Variants in ANKRD13B observed in about 807,000 individuals in gnomAD.
ANKRD13B encodes the protein ankyrin repeat domain 13B, also known as ankyrin repeat domain-containing protein 13B.
A neutral mutation model predicts 74.4 loss-of-function variants in ANKRD13B; 33 were observed. That is an observed-to-expected ratio of 0.44 (90% CI 0.34 to 0.59). ANKRD13B has a LOEUF of 0.59. Among genes scored for constraint, ANKRD13B ranks in the 20% least tolerant of loss-of-function variants. The probability of loss-of-function intolerance (pLI) is 0.02; values close to 1 mark genes in which losing one functional copy is unlikely to be tolerated. For missense variants in ANKRD13B, 676 were observed against 877.9 expected, an observed-to-expected ratio of 0.77 and a Z score of 2.91; for synonymous variants, 341 against 362.9, an observed-to-expected ratio of 0.94 and a Z score of 0.68.
chr17:29,598,509 C>CCCTT (rs1305099682), intron 1 of ANKRD13B, among the ~76,000 whole-genome samples: 1 of 147,286 alleles, frequency 6.8e-6, no homozygotes, highest in Non-Finnish European at 1.5e-5. Context: ...CTCCCTCCCT[C>CCCTT]CCTTCCCTGC....
At chr17:29,596,553 G>T (rs1254920418) in intron 1 of ANKRD13B, among the ~76,000 whole-genome samples, 1 of 152,230 alleles carries the variant, frequency 6.6e-6, no homozygotes, top group Non-Finnish European at 1.5e-5. Flanking sequence ...AGGGACATGT[G>T]TGGGCTGGGC....
Position 29,609,123 on chromosome 17 carries a change from C to T in ANKRD13B, c.603C>T (p.Arg201=). 2 of 1,611,656 alleles carry T rather than the reference C, an allele frequency of 1.2e-6. No individual in the cohort carries two copies. The highest frequency in any genetic ancestry group is 1.7e-6 in the Non-Finnish European group (2 of 1,179,962). ...SAVVMEIDHD[R]RVVYTETLAL... is the part of the protein sequence containing the mutation. Reference sequence around the variant, plus strand: ...TGGTCATGGAGATTGACCACGACCGCCGGGTGGTGTACACAGAGACTCTGG... The same window carrying T: ...TGGTCATGGAGATTGACCACGACCGTCGGGTGGTGTACACAGAGACTCTGG... Residue 201 remains arginine, a synonymous_variant, in exon 6 of 15, where the codon CGC becomes CGT. Coordinates refer to ENST00000394859, the MANE Select transcript of ANKRD13B (RefSeq NM_152345.5). The surrounding 1 kb of genome is among the most constrained non-coding windows in gnomAD (Gnocchi z 4.0).
chr17:29,609,226 G>T lies in ANKRD13B; in HGVS notation c.706G>T (p.Ala236Ser). The T allele has an allele frequency of 6.2e-7, 1 of 1,613,040 alleles. No homozygotes were observed. Among genetic ancestry groups the T allele is most frequent in the Non-Finnish European group, 8.5e-7 (1 of 1,179,922 alleles). Residue 236 changes from alanine to serine, a missense_variant, in exon 6 of 15, where the codon GCG (alanine) becomes TCG (serine). By Grantham distance (99) the Ala-to-Ser change is moderately conservative (BLOSUM62 1). This residue lies in a region of ANKRD13B where 328 missense variants were observed against 518.4 expected (regional missense o/e 0.63). Transcript: ENST00000394859. This position sits in a 1 kb window ranked among gnomAD's most constrained non-coding sequence, Gnocchi z 4.0. ...GGAACAGGTGCTGAGCCGGCTTACCGCGCCCGTCGTCACCACTCAGCTTGA... is the reference window on the plus strand; with the variant it reads ...GGAACAGGTGCTGAGCCGGCTTACCTCGCCCGTCGTCACCACTCAGCTTGA... ...TEEQVLSRLT[A>S]PVVTTQLDTK...
Position 29,612,518 on chromosome 17 carries a change from A to G in ANKRD13B, c.1375A>G (p.Ser459Gly). ...SPSSETPSPG[S>G]DSSSVSSSSS... is the part of the protein sequence containing the mutation. ...CAGCAGCGAGACGCCTTCCCCAGGC[A>G]GCGACTCCTCCAGCGTCAGCAGCTC... Residue 459 changes from serine (S) to glycine (G), a missense_variant, in exon 12 of 15, where the codon AGC (serine) becomes GGC (glycine). Ser to Gly is a moderately conservative substitution (Grantham distance 56, BLOSUM62 0). Transcript: ENST00000394859. The surrounding 1 kb of genome is among the most constrained non-coding windows in gnomAD (Gnocchi z 6.1). The G allele has an allele frequency of 6.4e-7, 1 of 1,566,902 alleles. No individual in the cohort carries two copies. Among genetic ancestry groups the G allele is most frequent in the South Asian group, 1.2e-5 (1 of 86,300 alleles).
intron 1 of ANKRD13B, among the ~76,000 whole-genome samples, chr17:29,597,057 C>G (rs1194420190): frequency 6.6e-6 from 1 of 152,160 alleles, no homozygotes; most frequent in East Asian, 1.9e-4. Flanking sequence ...GGTCAAGCAA[C>G]GACTACACCA....
intron 14 of ANKRD13B, 192 bp downstream of exon 14, chr17:29,613,155 C>CT: frequency 8.7e-7 from 1 of 1,154,964 alleles, no homozygotes; most frequent in Non-Finnish European, 1.2e-6. Flanking sequence ...AGTTCAGACT[C>CT]TCCCCAGGCA....
In ANKRD13B at chr17:29,612,543, C is replaced by G. The variant is rs991898115; in HGVS notation, c.1400C>G (p.Ser467Cys). The change falls in exon 12 of 15, where the codon TCC (serine) becomes TGC (cysteine). Residue 467 changes from serine to cysteine, a missense_variant. Physicochemically the swap from Ser to Cys is moderately radical, Grantham distance 112. Around this residue, in one of 4 missense-constraint regions of ANKRD13B, gnomAD observed 152 missense variants for 181.4 expected, o/e 0.84. Coordinates refer to ENST00000394859, the MANE Select transcript of ANKRD13B (RefSeq NM_152345.5). The surrounding 1 kb of genome is among the most constrained non-coding windows in gnomAD (Gnocchi z 6.1). Reference sequence around the variant, plus strand: ...AGCGACTCCTCCAGCGTCAGCAGCTCCAGCTCCACGAGTGAGGCCCCCCGC... The same window carrying G: ...AGCGACTCCTCCAGCGTCAGCAGCTGCAGCTCCACGAGTGAGGCCCCCCGC... ...PGSDSSSVSS[S>C]SSTTSCRGCE... 2 of 1,560,586 alleles carry G rather than the reference C, an allele frequency of 1.3e-6. No individual in the cohort carries two copies. The highest frequency in any genetic ancestry group is 1.7e-6 in the Non-Finnish European group (2 of 1,152,594).
At position 29,609,034 on chromosome 17, in the gene ANKRD13B, G is replaced by A; in HGVS notation, c.565+40G>A. On this transcript the variant is annotated intron_variant, in intron 5 of 14. Coordinates refer to ENST00000394859, the MANE Select transcript of ANKRD13B (RefSeq NM_152345.5). This position sits in a 1 kb window ranked among gnomAD's most constrained non-coding sequence, Gnocchi z 4.0. ...AAGTGGGGCAGGGTGGGGACGATGG[G>A]AGGCAGCCCCAGGCCACCCCTGATC... is the stretch of plus-strand genomic sequence containing the variant. 1 of 1,613,310 alleles carries A rather than the reference G, an allele frequency of 6.2e-7. No individual in the cohort carries two copies. The highest frequency in any genetic ancestry group is 8.5e-7 in the Non-Finnish European group (1 of 1,179,960).
chr17:29,606,230 A>G lies in ANKRD13B; in HGVS notation c.115-1512A>G, dbSNP rs117762713. Among the ~76,000 whole-genome samples the G allele has an allele frequency of 3.6e-3, 546 of 150,780 alleles. 3 individuals are homozygous for G. The highest frequency in any genetic ancestry group is 2.4e-3 in the Non-Finnish European group (159 of 67,614). Reference sequence around the variant, plus strand: ...CTGGCCTGTCAGTTCACTGTTCTTAACCAGAAGTCCTAGACTCTCGAAATA... The same window carrying G: ...CTGGCCTGTCAGTTCACTGTTCTTAGCCAGAAGTCCTAGACTCTCGAAATA... On this transcript the variant is annotated intron_variant, in intron 1 of 14. Coordinates refer to ENST00000394859, the MANE Select transcript of ANKRD13B (RefSeq NM_152345.5).
chr17:29,593,723 C>A lies in ANKRD13B; in HGVS notation c.102C>A (p.Val34=). Residue 34 remains valine, a synonymous_variant, in exon 1 of 15, where the codon GTC becomes GTA. Transcript: ENST00000394859. The stretch of plus-strand genomic sequence containing the variant: ...GCCACCGCGAGCTGGAGAAGGAGGT[C>A]CGCGCGGGCCAGGTAGGAGCGCCTT... ...HNRHRELEKE[V]RAGQVDIEQL... 4 of 1,427,004 alleles carry A rather than the reference C, an allele frequency of 2.8e-6. No homozygotes were observed. Among genetic ancestry groups the A allele is most frequent in the Non-Finnish European group, 3.7e-6 (4 of 1,079,432 alleles). The allele number at this position is 1,427,004 out of a possible 1,614,324, so 88.4% of individuals were successfully genotyped here.
Position 29,593,600 on chromosome 17 carries a change from GC to G in ANKRD13B, c.-18del. ...CCCTCCTCCCCGGCCGGGCGCCGCGGCCCCGGCATGAGGAGCGGGCGATGAT... is the reference window on the plus strand; with the variant it reads ...CCCTCCTCCCCGGCCGGGCGCCGCGGCCCGGCATGAGGAGCGGGCGATGAT... On this transcript the variant is annotated 5_prime_UTR_variant, in exon 1 of 15. An upstream open reading frame in the 5' UTR loses its in-frame stop. Transcript: ENST00000394859. 4.8e-6 allele frequency: 6 copies of G among 1,253,980 alleles called. No individual in the cohort carries two copies. Among genetic ancestry groups the G allele is most frequent in the East Asian group, 3.8e-5 (1 of 26,464 alleles). 77.7% of individuals were successfully genotyped at this position (1,253,980 alleles called of 1,614,324 possible). A position where few individuals can be genotyped will look rare whatever the true frequency, so the allele number is the denominator to read the frequency against.
Position 29,607,764 on chromosome 17 carries a change from C to A in ANKRD13B, c.137C>A (p.Pro46His). The change falls in exon 2 of 15, where the codon CCC becomes CAC. Residue 46 changes from proline (P) to histidine (H), a missense_variant. Physicochemically the swap from Pro to His is moderately conservative, Grantham distance 77. Coordinates refer to ENST00000394859, the MANE Select transcript of ANKRD13B (RefSeq NM_152345.5). ...CAGGTGGACATCGAGCAGCTGGATC[C>A]CCGCGGCCGGACTCCCCTGCACCTG... The part of the protein sequence containing the change: ...AGQVDIEQLD[P>H]RGRTPLHLAT... 1 of 1,600,454 alleles carries A rather than the reference C, an allele frequency of 6.2e-7. No homozygotes were observed. Among genetic ancestry groups the A allele is most frequent in the Non-Finnish European group, 8.5e-7 (1 of 1,179,550 alleles).
At position 29,609,724 on chromosome 17, in the gene ANKRD13B, C is replaced by T. The variant is rs1455881107; in HGVS notation, c.822+303C>T. ...GTTTATTGAGTCCTTTCCTTGGCAT[C>T]CCATTTACTCTTCACAACAACCCCA... On this transcript the variant is annotated intron_variant, in intron 7 of 14. Transcript: ENST00000394859. This position sits in a 1 kb window ranked among gnomAD's most constrained non-coding sequence, Gnocchi z 4.0. Among the ~76,000 whole-genome samples the T allele has an allele frequency of 3.3e-5, 5 of 152,190 alleles. No individual in the cohort carries two copies. Among genetic ancestry groups the T allele is most frequent in the Non-Finnish European group, 5.9e-5 (4 of 68,042 alleles).
At position 29,611,527 on chromosome 17, in the gene ANKRD13B, C is replaced by G. The variant is rs2034578962; in HGVS notation, c.905-52C>G. 6.3e-7 allele frequency: 1 copy of G among 1,587,784 alleles called. No individual in the cohort carries two copies. Among genetic ancestry groups the G allele is most frequent in the Non-Finnish European group, 8.6e-7 (1 of 1,156,486 alleles). On this transcript the variant is annotated intron_variant, in intron 8 of 14. Coordinates refer to ENST00000394859, the MANE Select transcript of ANKRD13B (RefSeq NM_152345.5). The surrounding 1 kb of genome is among the most constrained non-coding windows in gnomAD (Gnocchi z 4.3). The stretch of plus-strand genomic sequence containing the variant: ...GGGTGCTGTCACCTCTGATGAGGTG[C>G]CCAGGTGTGTGTGGAGTTGCGGTGT...
rs371389990 is a variant in ANKRD13B at position 29,613,497 on chromosome 17, A to G, written c.1796A>G (p.Gln599Arg). 5.5e-4 allele frequency: 841 copies of G among 1,531,310 alleles called. 5 individuals are homozygous for G. Among genetic ancestry groups the G allele is most frequent in the Middle Eastern group, 4.6e-3 (27 of 5,920 alleles). 94.9% of individuals were successfully genotyped at this position (1,531,310 alleles called of 1,614,324 possible). A position where few individuals can be genotyped will look rare whatever the true frequency, so the allele number is the denominator to read the frequency against. Residue 599 changes from glutamine to arginine, a missense_variant, in exon 15 of 15, where the codon CAG (glutamine) becomes CGG (arginine). Around this residue, in one of 4 missense-constraint regions of ANKRD13B, gnomAD observed 108 missense variants for 90.3 expected, o/e 1.20. Transcript: ENST00000394859. ...QLRLAMELSA[Q>R]EQEERRRRAR... ...CGGCTGGCGATGGAACTGTCGGCGC[A>G]GGAGCAGGAGGAGAGGCGGCGGCGC...
chr17:29,613,369 G>T lies in ANKRD13B; in HGVS notation c.1668G>T (p.Thr556=). The part of the protein sequence containing the change: ...GRRQDRSAPP[T]PQRQPAPPAS... ...CCACCCCCAGGAGCGCCCCGCCCACGCCGCAGCGCCAGCCTGCGCCCCCGG... is the reference window on the plus strand; with the variant it reads ...CCACCCCCAGGAGCGCCCCGCCCACTCCGCAGCGCCAGCCTGCGCCCCCGG... The change falls in exon 15 of 15, where the codon ACG becomes ACT. Residue 556 remains threonine (T), a synonymous_variant. Transcript: ENST00000394859. 6.8e-7 allele frequency: 1 copy of T among 1,465,810 alleles called. No individual in the cohort carries two copies. 90.8% of individuals were successfully genotyped at this position (1,465,810 alleles called of 1,614,324 possible).
chr17:29,604,652 G>C (rs963613279), intron 1 of ANKRD13B, among the ~76,000 whole-genome samples: 14 of 150,156 alleles, frequency 9.3e-5, no homozygotes, highest in Admixed American at 7.3e-4. Flanking sequence ...AGTGATTCTT[G>C]TGCCTCAGCC....
Position 29,608,076 on chromosome 17 carries a change from CG to C in ANKRD13B, c.344del (p.Gly115AlafsTer19). On this transcript the variant is annotated frameshift_variant, in exon 3 of 15. Coordinates refer to ENST00000394859, the MANE Select transcript of ANKRD13B (RefSeq NM_152345.5). LOFTEE classifies it high-confidence loss of function. This position sits in a 1 kb window ranked among gnomAD's most constrained non-coding sequence, Gnocchi z 6.4. ...TACCAGCGGGTGGTGAAGCGGCTGG[CG>C]GGCATCCCCGTGCTCCTGGAGAAGC... Reference protein sequence around the residue: ...RDYQRVVKRLAGIPVLLEKLR... With the variant: ...RDYQRVVKRLXGIPVLLEKLR... The C allele has an allele frequency of 6.2e-7, 1 of 1,600,418 alleles. No homozygotes were observed. The highest frequency in any genetic ancestry group is 8.5e-7 in the Non-Finnish European group (1 of 1,176,186).
rs1461556046 is a variant in ANKRD13B at position 29,613,749 on chromosome 17, C to T, written c.*167C>T. ...GGTTCGGGGAGGGATTCGGCATGGC[C>T]GCGGGGTACCTTCCCAGGCCAGGGC... On this transcript the variant is annotated 3_prime_UTR_variant, in exon 15 of 15. Coordinates refer to ENST00000394859, the MANE Select transcript of ANKRD13B (RefSeq NM_152345.5). 3.5e-6 allele frequency: 4 copies of T among 1,139,052 alleles called. No homozygotes were observed. Among genetic ancestry groups the T allele is most frequent in the Admixed American group, 7.9e-5 (2 of 25,178 alleles). The allele number at this position is 1,139,052 out of a possible 1,614,324, so 70.6% of individuals were successfully genotyped here.
Sources: allele counts gnomAD v4.1 joint callset (sites outside exome capture counted in the v4.1 genomes callset), GRCh38; gene constraint gnomAD v4.1.1; regional missense constraint gnomAD v4.1.1; non-coding constraint Gnocchi (gnomAD v3.1); transcripts MANE v1.5; gene names NCBI Gene and HGNC (gene_info 2026-07-23, HGNC 2026-07-21).